ODF4: variants seen among roughly 807,000 people sequenced by gnomAD.
ODF4 encodes the protein outer dense fiber of sperm tails 4.
A neutral mutation model predicts 17.0 loss-of-function variants in ODF4; 11 were observed. That is an observed-to-expected ratio of 0.65 (90% CI 0.41 to 1.07). ODF4 has a LOEUF of 1.07. Ranked by LOEUF, ODF4 falls within the 50% of genes least tolerant of loss-of-function variation. ODF4 has a pLI of 0.00. For synonymous variants in ODF4, 127 were observed against 121.8 expected (o/e 1.04, Z -0.28); for missense variants, 281 against 310.2 (o/e 0.91, Z 0.71).
chr17:8,342,129 A>G (rs1167832182), intron 1 of ODF4, among the ~76,000 whole-genome samples: 2 of 152,194 alleles, frequency 1.3e-5, no homozygotes, highest in Non-Finnish European at 2.9e-5. Flanking sequence ...AGAATTTCAC[A>G]TGGATCAACC....
Position 8,343,855 on chromosome 17 carries a change from T to G in ODF4, c.455-1488T>G, listed in dbSNP as rs1327464243. Among the ~76,000 whole-genome samples the G allele has an allele frequency of 4.2e-5, 5 of 118,610 alleles. 2 individuals carry two copies. The highest frequency in any genetic ancestry group is 1.8e-4 in the African/African-American group (5 of 27,246). 77.8% of individuals were successfully genotyped at this position (118,610 alleles called of 152,430 possible). A position where few individuals can be genotyped will look rare whatever the true frequency, so the allele number is the denominator to read the frequency against. On this transcript the variant is annotated intron_variant, in intron 1 of 2. Coordinates refer to ENST00000328248, the MANE Select transcript of ODF4 (RefSeq NM_153007.5). ...GTGTGTGTGTGTGTGTGTGTCTATATATATATAGACTGCAACCTCAGCTTC... is the reference window on the plus strand; with the variant it reads ...GTGTGTGTGTGTGTGTGTGTCTATAGATATATAGACTGCAACCTCAGCTTC...
chr17:8,341,146 C>T (rs1385820511), intron 1 of ODF4, among the ~76,000 whole-genome samples: 1 of 150,326 alleles, frequency 6.7e-6, no homozygotes, highest in African/African-American at 2.5e-5. Flanking sequence ...GCCGAGACCG[C>T]ACCATTGCAC....
Position 8,345,627 on chromosome 17 carries a change from C to A in ODF4, c.590-41C>A. 1 of 1,579,776 alleles carries A rather than the reference C, an allele frequency of 6.3e-7. No individual in the cohort carries two copies. The highest frequency in any genetic ancestry group is 8.7e-7 in the Non-Finnish European group (1 of 1,151,088). On this transcript the variant is annotated intron_variant, in intron 2 of 2. Transcript: ENST00000328248. The surrounding 1 kb of genome is among the most constrained non-coding windows in gnomAD (Gnocchi z 4.1). ...TCACCCTACTTGTCACTTAACCTCC[C>A]AGTCACAACTTTCCTCTCCCCTGTC...
Position 8,343,359 on chromosome 17 carries a change from C to T in ODF4, c.455-1984C>T, listed in dbSNP as rs1448415649. Among the ~76,000 whole-genome samples, 3 of 79,032 alleles carry T rather than the reference C, an allele frequency of 3.8e-5. 1 individual carries two copies. Among genetic ancestry groups the T allele is most frequent in the Non-Finnish European group, 8.1e-5 (3 of 36,922 alleles). The allele number at this position is 79,032 out of a possible 152,430, so 51.8% of individuals were successfully genotyped here. A position where few individuals can be genotyped will look rare whatever the true frequency, so the allele number is the denominator to read the frequency against. ...TGTTGGCCAGGCTGGTTTCAAACTC[C>T]TGACCTCAAGTGATCCGCCCACCTC... On this transcript the variant is annotated intron_variant, in intron 1 of 2. Coordinates refer to ENST00000328248, the MANE Select transcript of ODF4 (RefSeq NM_153007.5).
intron 1 of ODF4, among the ~76,000 whole-genome samples, chr17:8,342,166 C>A (rs1348333037): frequency 6.6e-6 from 1 of 152,162 alleles, no homozygotes; most frequent in Non-Finnish European, 1.5e-5. Context: ...GGAATTGCAA[C>A]TCAGGTGTGC....
chr17:8,341,483 T>G (rs1180583871), intron 1 of ODF4, among the ~76,000 whole-genome samples: 1 of 152,172 alleles, frequency 6.6e-6, no homozygotes, highest in Non-Finnish European at 1.5e-5. Context: ...TCATCCTTGT[T>G]TTTTTCTGTT....
In ODF4 at chr17:8,343,587, T is replaced by G. The variant is rs553178747; in HGVS notation, c.455-1756T>G. 2.3e-5 allele frequency among the ~76,000 whole-genome samples: 3 copies of G among 127,844 alleles called. 1 individual carries two copies. Among genetic ancestry groups the G allele is most frequent in the Non-Finnish European group, 5.0e-5 (3 of 59,684 alleles). 83.9% of individuals were successfully genotyped at this position (127,844 alleles called of 152,430 possible). On this transcript the variant is annotated intron_variant, in intron 1 of 2. Transcript: ENST00000328248. ...GTACCAGATCATTCACCACAAATGC[T>G]GCCCACCAGGAGCGTATGAGAGGAC...
intron 1 of ODF4, 152 bp downstream of exon 1, chr17:8,340,657 CG>C (rs1905975650): frequency 1.7e-6 from 1 of 603,734 alleles, no homozygotes; most frequent in African/African-American, 1.9e-5. Context: ...CTCCGATGAT[CG>C]TTTCTCATCC....
At position 8,345,332 on chromosome 17, in the gene ODF4, C is replaced by T. The variant is rs553040734; in HGVS notation, c.455-11C>T. On this transcript the variant is annotated splice_polypyrimidine_tract_variant and intron_variant, in intron 1 of 2. Transcript: ENST00000328248. The surrounding 1 kb of genome is among the most constrained non-coding windows in gnomAD (Gnocchi z 4.1). Reference sequence around the variant, plus strand: ...GTATGACAATGAGACCCTCTGCCTCCTGTCTCCTAGTCACCTTCATCTTCT... The same window carrying T: ...GTATGACAATGAGACCCTCTGCCTCTTGTCTCCTAGTCACCTTCATCTTCT... 1.2e-4 allele frequency: 186 copies of T among 1,611,728 alleles called. 4 individuals are homozygous for T. The South Asian group carries it at 2.0e-3, about 17-fold the overall frequency.
intron 1 of ODF4, among the ~76,000 whole-genome samples, chr17:8,341,769 T>C (rs1374720248): frequency 8.5e-6 from 1 of 117,488 alleles, no homozygotes; most frequent in African/African-American, 3.6e-5. Context: ...TTCCATTTTT[T>C]CACTCTCCTT....
intron 1 of ODF4, 62 bp downstream of exon 1, chr17:8,340,567 C>T: frequency 2.1e-6 from 2 of 947,852 alleles, no homozygotes; most frequent in Non-Finnish European, 3.3e-6. Context: ...TCTGTATCTG[C>T]ACCCTGGATG....
At position 8,340,315 on chromosome 17, in the gene ODF4, C is replaced by T. The variant is rs1357579994; in HGVS notation, c.264C>T (p.Ser88=). 1 of 1,613,292 alleles carries T rather than the reference C, an allele frequency of 6.2e-7. No homozygotes were observed. Among genetic ancestry groups the T allele is most frequent in the Non-Finnish European group, 8.5e-7 (1 of 1,179,664 alleles). Residue 88 remains serine, a synonymous_variant, in exon 1 of 3, where the codon AGC becomes AGT. Coordinates refer to ENST00000328248, the MANE Select transcript of ODF4 (RefSeq NM_153007.5). ...WMAQVLASEL[S]LVAFILLLVV... The stretch of plus-strand genomic sequence containing the variant: ...CCCAGGTGTTGGCCTCTGAGCTCAG[C>T]CTGGTTGCCTTTATCCTACTATTGG...
At position 8,339,897 on chromosome 17, in the gene ODF4, G is replaced by A. The variant is rs2151655554; in HGVS notation, c.-155G>A. The stretch of plus-strand genomic sequence containing the variant: ...GTTGGGGCCTTCTCTTGGATCAAGA[G>A]TCTCTTATTTGATCGAGGTCTGTTA... On this transcript the variant is annotated 5_prime_UTR_variant, in exon 1 of 3. Transcript: ENST00000328248. The A allele has an allele frequency of 2.0e-6, 1 of 491,974 alleles. No individual in the cohort carries two copies. The highest frequency in any genetic ancestry group is 4.7e-5 in the South Asian group (1 of 21,180). 30.5% of individuals were successfully genotyped at this position (491,974 alleles called of 1,614,324 possible).
intron 1 of ODF4, among the ~76,000 whole-genome samples, chr17:8,343,204 T>C (rs979484988): frequency 1.3e-5 from 2 of 151,074 alleles, no homozygotes; most frequent in Non-Finnish European, 2.9e-5. Context: ...TGATCTCGGC[T>C]CAGTGCAACC....
chr17:8,344,205 C>G lies in ODF4; in HGVS notation c.455-1138C>G, dbSNP rs1171630547. ...TCCCAAAGTGGTGGGATTACAGGTG[C>G]GAGCCACCATGCTCAGCCTCGATGG... On this transcript the variant is annotated intron_variant, in intron 1 of 2. Transcript: ENST00000328248. Among the ~76,000 whole-genome samples the G allele has an allele frequency of 1.6e-5, 2 of 127,336 alleles. 1 individual carries two copies. Among genetic ancestry groups the G allele is most frequent in the Non-Finnish European group, 3.4e-5 (2 of 59,496 alleles). The allele number at this position is 127,336 out of a possible 152,430, so 83.5% of individuals were successfully genotyped here. A position where few individuals can be genotyped will look rare whatever the true frequency, so the allele number is the denominator to read the frequency against.
chr17:8,340,709 T>A lies in ODF4; in HGVS notation c.454+204T>A, dbSNP rs181949984. Among the ~76,000 whole-genome samples, 13 of 152,170 alleles carry A rather than the reference T, an allele frequency of 8.5e-5. No homozygotes were observed. The East Asian group carries it at 2.5e-3, about 29-fold the overall frequency. On this transcript the variant is annotated intron_variant, in intron 1 of 2. Coordinates refer to ENST00000328248, the MANE Select transcript of ODF4 (RefSeq NM_153007.5). The stretch of plus-strand genomic sequence containing the variant: ...TAGATTTGATTGGTGCAATGGAAAA[T>A]GTCACTGCTTTTGATAAAACCCAGA...
chr17:8,344,955 C>T (rs977288799), intron 1 of ODF4: 4 of 1,013,754 alleles, frequency 3.9e-6, no homozygotes, highest in African/African-American at 1.7e-5. Flanking sequence ...GGGCCTCGTC[C>T]TCACCATCTG....
Position 8,345,884 on chromosome 17 carries a change from C to G in ODF4, c.*32C>G. 1 of 1,578,494 alleles carries G rather than the reference C, an allele frequency of 6.3e-7. No homozygotes were observed. The highest frequency in any genetic ancestry group is 8.7e-7 in the Non-Finnish European group (1 of 1,149,180). ...CTGAACTCCTGGCACCAAGTTCTGTCCATTCATCTGACCCCATCTCCTCAT... is the reference window on the plus strand; with the variant it reads ...CTGAACTCCTGGCACCAAGTTCTGTGCATTCATCTGACCCCATCTCCTCAT... On this transcript the variant is annotated 3_prime_UTR_variant, in exon 3 of 3. Coordinates refer to ENST00000328248, the MANE Select transcript of ODF4 (RefSeq NM_153007.5). This position sits in a 1 kb window ranked among gnomAD's most constrained non-coding sequence, Gnocchi z 4.1.
chr17:8,340,017 G>A lies in ODF4; in HGVS notation c.-35G>A, dbSNP rs1905939102. On this transcript the variant is annotated 5_prime_UTR_variant, in exon 1 of 3. Transcript: ENST00000328248. ...AGAAGAGACAATTGAGTCTGGTGAG[G>A]GAAAGGGGAGACAGAGGGTGAAGTG... The A allele has an allele frequency of 1.5e-6, 2 of 1,368,632 alleles. No individual in the cohort carries two copies. The highest frequency in any genetic ancestry group is 2.0e-6 in the Non-Finnish European group (2 of 1,006,950). The allele number at this position is 1,368,632 out of a possible 1,614,324, so 84.8% of individuals were successfully genotyped here.
Sources: allele counts gnomAD v4.1 joint callset (sites outside exome capture counted in the v4.1 genomes callset), GRCh38; gene constraint gnomAD v4.1.1; non-coding constraint Gnocchi (gnomAD v3.1); transcripts MANE v1.5; gene names NCBI Gene and HGNC (gene_info 2026-07-23, HGNC 2026-07-21).